The following NCKAP5 variants were observed in gnomAD, a reference collection of about 807,000 sequenced individuals.
NCKAP5 encodes the protein NCK associated protein 5.
Under a neutral mutation model 167.0 loss-of-function variants are expected in NCKAP5, and 92 were observed. The ratio of observed to expected loss-of-function variants is 0.55; its 90% CI spans 0.47 to 0.66. The LOEUF is 0.66. NCKAP5 is among the 30% of genes least tolerant of loss of function. NCKAP5 has a pLI of 0.00. For synonymous variants in NCKAP5, 891 were observed against 877.4 expected (o/e 1.02, Z -0.27); for missense variants, 2,378 against 2,315.0 (o/e 1.03, Z -0.56).
intron 3 of NCKAP5, among the ~76,000 whole-genome samples, chr2:133,378,109 T>C (rs1017198768): frequency 6.6e-6 from 1 of 152,114 alleles, no homozygotes; most frequent in Non-Finnish European, 1.5e-5. Flanking sequence ...TAGAAGAATA[T>C]AAAAAATAAA....
At chr2:133,665,706 T>G in the NCKAP5 span, among the ~76,000 whole-genome samples, 1 of 136,588 alleles carries the variant, frequency 7.3e-6, no homozygotes, top group Non-Finnish European at 1.7e-5. Flanking sequence ...AGTCTTCAAC[T>G]GGGAAAAAAC....
At chr2:132,874,447 G>A (rs908843116) in intron 9 of NCKAP5, among the ~76,000 whole-genome samples, 13 of 152,114 alleles carry the variant, frequency 8.5e-5, no homozygotes, top group African/African-American at 3.1e-4. Flanking sequence ...CCCAGCTGTA[G>A]GATATGCCTG....
intron 3 of NCKAP5, among the ~76,000 whole-genome samples, chr2:133,352,013 T>C (rs1220753721): frequency 2.0e-5 from 3 of 152,090 alleles, no homozygotes; most frequent in Admixed American, 2.0e-4. Flanking sequence ...TTTTCCATTT[T>C]CTATGAAAAA....
chr2:133,091,302 C>T (rs2081173174), intron 6 of NCKAP5, among the ~76,000 whole-genome samples: 1 of 152,168 alleles, frequency 6.6e-6, no homozygotes, highest in Non-Finnish European at 1.5e-5. Flanking sequence ...ATTTCCTTCC[C>T]CATGGAAACC....
chr2:132,738,425 G>A (rs1691722386), intron 16 of NCKAP5, among the ~76,000 whole-genome samples: 1 of 152,204 alleles, frequency 6.6e-6, no homozygotes, highest in African/African-American at 2.4e-5. Flanking sequence ...TAGATGCCAA[G>A]TGGAATGCTG....
rs1690209380 is a variant in NCKAP5, at chr2:132,864,794, A to G, written c.687+4142T>C. The stretch of plus-strand genomic sequence containing the variant: ...AGTAAAAATGACATGATAGTGGTAT[A>G]CCTATTTCAGAGGCAGTGTCTATCA... On this transcript the variant is annotated intron_variant, in intron 10 of 19. Transcript: ENST00000409261. 5.3e-5 allele frequency among the ~76,000 whole-genome samples: 8 copies of G among 152,322 alleles called. No homozygotes were observed. The South Asian group carries it at 1.7e-3, about 32-fold the overall frequency.
the NCKAP5 span, among the ~76,000 whole-genome samples, chr2:133,629,699 A>G: frequency 6.6e-6 from 1 of 152,340 alleles, no homozygotes; most frequent in East Asian, 1.9e-4. Context: ...ATGTGGCACT[A>G]TTCACAATAG....
intron 15 of NCKAP5, among the ~76,000 whole-genome samples, chr2:132,779,669 C>A (rs991458188): frequency 6.8e-6 from 1 of 147,670 alleles, no homozygotes; most frequent in African/African-American, 2.6e-5. Flanking sequence ...GTAAAAAAGA[C>A]CTTATGGCTC....
At chr2:133,109,497 C>T (rs527850223) in intron 6 of NCKAP5, among the ~76,000 whole-genome samples, 4 of 151,972 alleles carry the variant, frequency 2.6e-5, no homozygotes, top group East Asian at 1.9e-4. Flanking sequence ...TAGTTACTGC[C>T]GAAGGATATA....
Position 132,886,220 on chromosome 2 carries a change from C to A in NCKAP5, c.580-7304G>T, listed in dbSNP as rs117094488. 4.1e-3 allele frequency among the ~76,000 whole-genome samples: 630 copies of A among 152,206 alleles called. 26 individuals are homozygous for A. The East Asian group carries it at 0.093, about 22-fold the overall frequency. On this transcript the variant is annotated intron_variant, in intron 8 of 19. Transcript: ENST00000409261. ...TGTAGCAAAATATTGCAAAGAATTC[C>A]CCCACACCATTCAAGAGACTCCCCA... is the stretch of plus-strand genomic sequence containing the variant.
the NCKAP5 span, among the ~76,000 whole-genome samples, chr2:133,601,814 A>G: frequency 0.65 from 99,092 of 151,952 alleles, 33,936 homozygotes; most frequent in East Asian, 0.96. Flanking sequence ...GTCCTAAGAT[A>G]CGAATGTCCT....
chr2:133,663,939 T>A, the NCKAP5 span, among the ~76,000 whole-genome samples: 3 of 152,198 alleles, frequency 2.0e-5, no homozygotes, highest in Non-Finnish European at 4.4e-5. Flanking sequence ...CCCAGATCCA[T>A]CACAGGATCT....
chr2:133,337,539 A>T (rs1325724622), intron 3 of NCKAP5, among the ~76,000 whole-genome samples: 1 of 152,190 alleles, frequency 6.6e-6, no homozygotes, highest in Non-Finnish European at 1.5e-5. Context: ...AGAGGTAATT[A>T]TGTTCAAATA....
intron 3 of NCKAP5, among the ~76,000 whole-genome samples, chr2:133,332,483 G>A (rs2150730500): frequency 6.6e-6 from 1 of 152,130 alleles, no homozygotes; most frequent in Non-Finnish European, 1.5e-5. Flanking sequence ...ATTATCTCAG[G>A]GGTGCATTTT....
intron 4 of NCKAP5, among the ~76,000 whole-genome samples, chr2:133,246,661 A>G (rs922112441): frequency 6.6e-6 from 1 of 152,192 alleles, no homozygotes. Context: ...GTGTGTGTGT[A>G]TATATTTGCA....
chr2:133,579,567 C>CA, the NCKAP5 span, among the ~76,000 whole-genome samples: 6 of 152,096 alleles, frequency 3.9e-5, no homozygotes, highest in African/African-American at 1.2e-4. Context: ...CATAGGTCTG[C>CA]ATGTGAAGGC....
At chr2:132,835,354 G>T (rs111946124) in intron 11 of NCKAP5, among the ~76,000 whole-genome samples, 1 of 152,050 alleles carries the variant, frequency 6.6e-6, no homozygotes, top group South Asian at 2.1e-4. Context: ...GAATTCAGCC[G>T]CTTTGTTTAG....
chr2:133,104,590 C>G (rs2149692193), intron 6 of NCKAP5, among the ~76,000 whole-genome samples: 3 of 152,336 alleles, frequency 2.0e-5, no homozygotes, highest in Middle Eastern at 6.8e-3. Flanking sequence ...TCTTTTTCTT[C>G]CTTAATTCCC....
chr2:133,642,207 C>T, the NCKAP5 span, among the ~76,000 whole-genome samples: 2 of 152,236 alleles, frequency 1.3e-5, no homozygotes, highest in South Asian at 2.1e-4. Context: ...AGAGCTGAAA[C>T]TCACCCCCTG....
Sources: gnomAD v4.1 joint callset for allele counts (sites outside exome capture counted in the v4.1 genomes callset) on GRCh38, gnomAD v4.1.1 for gene constraint, MANE v1.5 for transcripts, NCBI Gene and HGNC (gene_info 2026-07-23, HGNC 2026-07-21) for gene names.